Variants in PCMTD1 observed in about 807,000 individuals in gnomAD.
The protein encoded by PCMTD1 is protein-L-isoaspartate (D-aspartate) O-methyltransferase domain containing 1, also known as protein-L-isoaspartate O-methyltransferase domain-containing protein 1.
In PCMTD1, 12 loss-of-function variants were observed where a neutral mutation model predicts 37.6. The observed-to-expected ratio is 0.32, with a 90% confidence interval of 0.20 to 0.52. The LOEUF is 0.52. Among genes scored for constraint, PCMTD1 ranks in the 20% least tolerant of loss-of-function variants. The pLI is 0.97. For synonymous variants in PCMTD1, 117 were observed against 135.8 expected (o/e 0.86, Z 0.96); for missense variants, 235 against 421.3 (o/e 0.56, Z 3.87).
intron 2 of PCMTD1, among the ~76,000 whole-genome samples, chr8:51,859,721 A>G (rs1302192643): frequency 6.6e-6 from 1 of 152,218 alleles, no homozygotes; most frequent in Admixed American, 6.5e-5. Context: ...ACAGAGATAA[A>G]GTAGGACTGT....
chr8:51,882,907 C>T (rs1425612199), intron 1 of PCMTD1, among the ~76,000 whole-genome samples: 2 of 149,608 alleles, frequency 1.3e-5, no homozygotes, highest in Non-Finnish European at 3.0e-5. Flanking sequence ...GCAGGCGGAT[C>T]ACGAGGTCAG....
chr8:51,866,929 C>CCCATACATCTGATAAGGGATTGCAAA (rs1453186319), intron 1 of PCMTD1, among the ~76,000 whole-genome samples: 1 of 151,940 alleles, frequency 6.6e-6, no homozygotes, highest in Non-Finnish European at 1.5e-5. Flanking sequence ...AGGATTGCAA[C>CCCATACATCTGATAAGGGATTGCAAA]CCATACATCT....
intron 2 of PCMTD1, among the ~76,000 whole-genome samples, chr8:51,854,221 A>G (rs1202312267): frequency 1.3e-5 from 2 of 152,194 alleles, no homozygotes; most frequent in African/African-American, 2.4e-5. Context: ...TTGACTTCTA[A>G]TATTTATTAT....
At chr8:51,890,926 T>C (rs1381231096) in intron 1 of PCMTD1, among the ~76,000 whole-genome samples, 1 of 152,200 alleles carries the variant, frequency 6.6e-6, no homozygotes, top group African/African-American at 2.4e-5. Flanking sequence ...CTTACAAAGC[T>C]GGACATTTCT....
intron 2 of PCMTD1, among the ~76,000 whole-genome samples, chr8:51,855,687 CAG>C (rs751551597): frequency 6.6e-6 from 1 of 151,832 alleles, no homozygotes; most frequent in African/African-American, 2.4e-5. Context: ...GTTTTTGAGA[CAG>C]AGTCTCGCCC....
upstream of PCMTD1, chr8:51,899,184 T>A (rs1287049398): frequency 2.4e-6 from 3 of 1,263,558 alleles, no homozygotes; most frequent in Non-Finnish European, 3.1e-6. Flanking sequence ...GACGCCCCCA[T>A]CTGGCCCCGC....
intron 1 of PCMTD1, chr8:51,870,436 A>C (rs1585837374): frequency 6.6e-6 from 1 of 152,210 alleles, no homozygotes; most frequent in Non-Finnish European, 1.5e-5. Flanking sequence ...TTATTAAAGA[A>C]AATAAATGGC....
At chr8:51,872,050 G>C (rs142023862) in intron 1 of PCMTD1, among the ~76,000 whole-genome samples, 5 of 152,178 alleles carry the variant, frequency 3.3e-5, no homozygotes, top group African/African-American at 1.2e-4. Flanking sequence ...CCAAGATAGA[G>C]AAACAGTAGA....
chr8:51,833,698 A>C lies in PCMTD1; in HGVS notation c.411-9T>G. Reference sequence around the variant, plus strand: ...GTTCACAGAACTCAAATCTGCATTGAAAAACAAACATTTTAATTCAATTAA... The same window carrying C: ...GTTCACAGAACTCAAATCTGCATTGCAAAACAAACATTTTAATTCAATTAA... On this transcript the variant is annotated splice_polypyrimidine_tract_variant and intron_variant, in intron 3 of 5. Transcript: ENST00000522514. The C allele has an allele frequency of 6.3e-7, 1 of 1,597,788 alleles. No individual in the cohort carries two copies. Among genetic ancestry groups the C allele is most frequent in the Non-Finnish European group, 8.5e-7 (1 of 1,175,468 alleles).
intron 3 of PCMTD1, among the ~76,000 whole-genome samples, chr8:51,844,536 C>T (rs998900938): frequency 6.6e-6 from 1 of 152,092 alleles, no homozygotes; most frequent in African/African-American, 2.4e-5. Context: ...GGTTTCTGTT[C>T]TTCAACCAAT....
At chr8:51,850,271 C>G (rs2038285963) in intron 2 of PCMTD1, among the ~76,000 whole-genome samples, 1 of 152,130 alleles carries the variant, frequency 6.6e-6, no homozygotes, top group Non-Finnish European at 1.5e-5. Flanking sequence ...AATCGACAAA[C>G]TGTTGTTAAA....
chr8:51,826,694 C>G (rs1436672007), intron 5 of PCMTD1, among the ~76,000 whole-genome samples: 1 of 151,968 alleles, frequency 6.6e-6, no homozygotes, highest in Non-Finnish European at 1.5e-5. Flanking sequence ...TTACGTTGAA[C>G]CATATAAAAC....
chr8:51,887,065 C>G (rs567413293), intron 1 of PCMTD1, among the ~76,000 whole-genome samples: 1 of 152,100 alleles, frequency 6.6e-6, no homozygotes, highest in South Asian at 2.1e-4. Context: ...TTCTCTCGCT[C>G]TGCCTCCTCC....
At chr8:51,865,286 C>CA (rs1353799735) in intron 1 of PCMTD1, among the ~76,000 whole-genome samples, 1 of 151,892 alleles carries the variant, frequency 6.6e-6, no homozygotes, top group Non-Finnish European at 1.5e-5. Context: ...CAAATCCTTC[C>CA]AAAAAATCAA....
At chr8:51,889,959 CCAGTGATAACTAAA>C (rs1202184355) in intron 1 of PCMTD1, among the ~76,000 whole-genome samples, 1 of 143,032 alleles carries the variant, frequency 7.0e-6, no homozygotes, top group Non-Finnish European at 1.5e-5. Context: ...TACAATAAAA[CCAGTGATAACTAAA>C]CAGTGATAAC....
chr8:51,862,513 G>A (rs1252076895), intron 1 of PCMTD1, among the ~76,000 whole-genome samples: 1 of 152,148 alleles, frequency 6.6e-6, no homozygotes, highest in African/African-American at 2.4e-5. Flanking sequence ...ACTATAGCTA[G>A]TAAGTTAATG....
chr8:51,850,250 C>T (rs759644457), intron 2 of PCMTD1, among the ~76,000 whole-genome samples: 1 of 152,152 alleles, frequency 6.6e-6, no homozygotes, highest in South Asian at 2.1e-4. Context: ...AAACTTTGCA[C>T]ACTATAATGT....
intron 1 of PCMTD1, among the ~76,000 whole-genome samples, chr8:51,864,605 G>A (rs776430114): frequency 1.1e-4 from 16 of 152,148 alleles, no homozygotes; most frequent in Non-Finnish European, 2.2e-4. Flanking sequence ...TAAACAATAT[G>A]CTCCTGAAAA....
At chr8:51,832,785 GA>G (rs796372238) in intron 4 of PCMTD1, among the ~76,000 whole-genome samples, 7 of 151,406 alleles carry the variant, frequency 4.6e-5, no homozygotes, top group African/African-American at 1.7e-4. Context: ...TACTAATGAA[GA>G]TTTTTTTAGT....
Sources: gnomAD v4.1 joint callset for allele counts (sites outside exome capture counted in the v4.1 genomes callset) on GRCh38, gnomAD v4.1.1 for gene constraint, MANE v1.5 for transcripts, NCBI Gene and HGNC (gene_info 2026-07-23, HGNC 2026-07-21) for gene names.